Variants in TP53I3 observed in about 807,000 individuals in gnomAD.
TP53I3 encodes the protein tumor protein p53 inducible protein 3.
A neutral mutation model predicts 27.7 loss-of-function variants in TP53I3; 32 were observed. That is an observed-to-expected ratio of 1.16 (90% CI 0.87 to 1.55). The LOEUF (loss-of-function observed/expected upper bound fraction) is 1.55. Ranked by LOEUF, TP53I3 falls within the 40% of genes most tolerant of loss-of-function variation. The pLI is 0.00. For missense variants in TP53I3, 372 were observed against 412.3 expected (o/e 0.90, Z 0.85); for synonymous variants, 138 against 167.8 (o/e 0.82, Z 1.37).
At position 24,077,907 on chromosome 2, in the gene TP53I3, G is replaced by T; in HGVS notation, c.817-146C>A. 1 of 800,544 alleles carries T rather than the reference G, an allele frequency of 1.2e-6. No individual in the cohort carries two copies. Among genetic ancestry groups the T allele is most frequent in the Non-Finnish European group, 2.0e-6 (1 of 512,174 alleles). 49.6% of individuals were successfully genotyped at this position (800,544 alleles called of 1,614,324 possible). ...TAACCCCTCACTTCCTAGCATGTGT[G>T]TGAAATACCCTTGAAGGAGTCATGT... is the stretch of plus-strand genomic sequence containing the variant. On this transcript the variant is annotated intron_variant, in intron 4 of 4. Transcript: ENST00000238721. The surrounding 1 kb of genome is among the most constrained non-coding windows in gnomAD (Gnocchi z 5.5).
chr2:24,077,508 A>G lies in TP53I3; in HGVS notation c.*71T>C. The G allele has an allele frequency of 6.7e-7, 1 of 1,497,784 alleles. No individual in the cohort carries two copies. The highest frequency in any genetic ancestry group is 9.0e-7 in the Non-Finnish European group (1 of 1,116,586). 92.8% of individuals were successfully genotyped at this position (1,497,784 alleles called of 1,614,324 possible). A position where few individuals can be genotyped will look rare whatever the true frequency, so the allele number is the denominator to read the frequency against. ...AAGCACCGGGTTTCTTGGCCTGTCT[A>G]TTGTGAATCTTCTCCAGGTTTGCTC... is the stretch of plus-strand genomic sequence containing the variant. On this transcript the variant is annotated 3_prime_UTR_variant, in exon 5 of 5. Transcript: ENST00000238721. This position sits in a 1 kb window ranked among gnomAD's most constrained non-coding sequence, Gnocchi z 5.5.
At chr2:24,079,383 A>G (rs1484330127) in intron 4 of TP53I3, 61 bp downstream of exon 4, 2 of 1,558,208 alleles carry the variant, frequency 1.3e-6, no homozygotes, top group East Asian at 4.5e-5. Context: ...TCTCGGGGTA[A>G]TGTAAATGAA....
chr2:24,083,302 G>A, intron 1 of TP53I3, 150 bp from the exon 2 acceptor site: 1 of 1,012,684 alleles, frequency 9.9e-7, no homozygotes, highest in African/African-American at 1.6e-5. Flanking sequence ...GAAGAAAAAG[G>A]AGAGGCCATT....
rs1176726248 is a variant in TP53I3, at chr2:24,080,566, G to T, written c.619+253C>A. ...GAAGAAAAGGTGCTGGATAATTCCA[G>T]ACCAAGTCTGCATGGTCTAAAGTGT... On this transcript the variant is annotated intron_variant, in intron 3 of 4. Transcript: ENST00000238721. This position sits in a 1 kb window ranked among gnomAD's most constrained non-coding sequence, Gnocchi z 4.7. Among the ~76,000 whole-genome samples the T allele has an allele frequency of 2.0e-5, 3 of 152,186 alleles. No individual in the cohort carries two copies. The highest frequency in any genetic ancestry group is 4.4e-5 in the Non-Finnish European group (3 of 68,030).
rs917946906 is a variant in TP53I3 at position 24,080,711 on chromosome 2, A to G, written c.619+108T>C. 21 of 1,362,522 alleles carry G rather than the reference A, an allele frequency of 1.5e-5. No homozygotes were observed. The highest frequency in any genetic ancestry group is 1.3e-4 in the African/African-American group (9 of 69,126). The allele number at this position is 1,362,522 out of a possible 1,614,324, so 84.4% of individuals were successfully genotyped here. ...AATTTGGCCAGGGCAGCTGTTGTGC[A>G]CTTAGCAGAGGTAAGACTGATACAC... On this transcript the variant is annotated intron_variant, in intron 3 of 4. Coordinates refer to ENST00000238721, the MANE Select transcript of TP53I3 (RefSeq NM_004881.5). The surrounding 1 kb of genome is among the most constrained non-coding windows in gnomAD (Gnocchi z 4.7).
At chr2:24,081,711 C>T (rs1394626091) in intron 2 of TP53I3, among the ~76,000 whole-genome samples, 18 of 143,830 alleles carry the variant, frequency 1.3e-4, no homozygotes, top group Admixed American at 4.9e-4. Context: ...TTTTTTGAGA[C>T]GGAGTCTCAC....
At chr2:24,079,105 A>G (rs572788755) in intron 4 of TP53I3, 1 of 215,208 alleles carries the variant, frequency 4.6e-6, no homozygotes, top group African/African-American at 2.3e-5. Flanking sequence ...CTCACCTAAG[A>G]GACTTTCTAG....
At position 24,084,073 on chromosome 2, in the gene TP53I3, C is replaced by G. The variant is rs890240641; in HGVS notation, c.138+116G>C. The G allele has an allele frequency of 2.8e-6, 4 of 1,424,304 alleles. No individual in the cohort carries two copies. The highest frequency in any genetic ancestry group is 3.7e-6 in the Non-Finnish European group (4 of 1,085,442). The allele number at this position is 1,424,304 out of a possible 1,614,324, so 88.2% of individuals were successfully genotyped here. A position where few individuals can be genotyped will look rare whatever the true frequency, so the allele number is the denominator to read the frequency against. ...TTAGGTCTGGGAAGCCCCAGCGCAGCTGCCTGCTGGGTGTGGAGCGGTGCA... is the reference window on the plus strand; with the variant it reads ...TTAGGTCTGGGAAGCCCCAGCGCAGGTGCCTGCTGGGTGTGGAGCGGTGCA... On this transcript the variant is annotated intron_variant, in intron 1 of 4. Coordinates refer to ENST00000238721, the MANE Select transcript of TP53I3 (RefSeq NM_004881.5). This position sits in a 1 kb window ranked among gnomAD's most constrained non-coding sequence, Gnocchi z 8.4.
rs990848878 is a variant in TP53I3 at position 24,080,282 on chromosome 2, G to A, written c.619+537C>T. ...AGGCTGGAGAATCACTTGAACCTGG[G>A]AGGCGGAGGTTGCAGCGAGCCGAGA... On this transcript the variant is annotated intron_variant, in intron 3 of 4. Transcript: ENST00000238721. This position sits in a 1 kb window ranked among gnomAD's most constrained non-coding sequence, Gnocchi z 4.7. Among the ~76,000 whole-genome samples, 3 of 151,894 alleles carry A rather than the reference G, an allele frequency of 2.0e-5. No homozygotes were observed. The East Asian group carries it at 5.8e-4, about 29-fold the overall frequency.
At position 24,077,602 on chromosome 2, in the gene TP53I3, T is replaced by C. The variant is rs754967963; in HGVS notation, c.976A>G (p.Ile326Val). The change falls in exon 5 of 5, where the codon ATC becomes GTC. Residue 326 changes from isoleucine (I) to valine (V), a missense_variant. Ile to Val is a conservative substitution (Grantham distance 29). Coordinates refer to ENST00000238721, the MANE Select transcript of TP53I3 (RefSeq NM_004881.5). The surrounding 1 kb of genome is among the most constrained non-coding windows in gnomAD (Gnocchi z 5.5). ...CTTCACTGGGGCAGTTCCAGGACGA[T>C]CTTGCCTATGTTCTTGTTGGCCTCC... The part of the protein sequence containing the change: ...YMEANKNIGK[I>V]VLELPQ 1 of 1,611,224 alleles carries C rather than the reference T, an allele frequency of 6.2e-7. No individual in the cohort carries two copies. Among genetic ancestry groups the C allele is most frequent in the Non-Finnish European group, 8.5e-7 (1 of 1,178,288 alleles).
chr2:24,083,495 C>G (rs934662796), intron 1 of TP53I3, among the ~76,000 whole-genome samples: 9 of 152,284 alleles, frequency 5.9e-5, no homozygotes, highest in East Asian at 1.9e-4. Context: ...GCGCTAGGCT[C>G]TGTGCTCACT....
rs1321878520 is a variant in TP53I3 at position 24,080,676 on chromosome 2, A to G, written c.619+143T>C. The G allele has an allele frequency of 8.1e-6, 7 of 860,868 alleles. No homozygotes were observed. In the African/African-American group the frequency reaches 1.2e-4, roughly 15 times the overall value. The allele number at this position is 860,868 out of a possible 1,614,324, so 53.3% of individuals were successfully genotyped here. A position where few individuals can be genotyped will look rare whatever the true frequency, so the allele number is the denominator to read the frequency against. On this transcript the variant is annotated intron_variant, in intron 3 of 4. Transcript: ENST00000238721. This position sits in a 1 kb window ranked among gnomAD's most constrained non-coding sequence, Gnocchi z 4.7. ...TGCCTGTCTCCAGTGGTCAAATACCATAGTACTAGAATTTGGCCAGGGCAG... is the reference window on the plus strand; with the variant it reads ...TGCCTGTCTCCAGTGGTCAAATACCGTAGTACTAGAATTTGGCCAGGGCAG...
chr2:24,084,038 C>T lies in TP53I3; in HGVS notation c.138+151G>A. 1.6e-6 allele frequency: 2 copies of T among 1,248,132 alleles called. No homozygotes were observed. Among genetic ancestry groups the T allele is most frequent in the Non-Finnish European group, 1.1e-6 (1 of 933,372 alleles). 77.3% of individuals were successfully genotyped at this position (1,248,132 alleles called of 1,614,324 possible). On this transcript the variant is annotated intron_variant, in intron 1 of 4. Coordinates refer to ENST00000238721, the MANE Select transcript of TP53I3 (RefSeq NM_004881.5). The surrounding 1 kb of genome is among the most constrained non-coding windows in gnomAD (Gnocchi z 8.4). ...CCTTGTTTTGCATGAACAAAGAGGG[C>T]GCCCTGGGTTTAGGTCTGGGAAGCC...
At chr2:24,081,786 C>A (rs536087523) in intron 2 of TP53I3, among the ~76,000 whole-genome samples, 6 of 151,594 alleles carry the variant, frequency 4.0e-5, no homozygotes, top group Non-Finnish European at 5.9e-5. Flanking sequence ...CCCCACCCCC[C>A]CTGCGTTCAT....
intron 2 of TP53I3, 90 bp downstream of exon 2, chr2:24,082,795 A>C: frequency 4.1e-6 from 6 of 1,459,256 alleles, no homozygotes; most frequent in Non-Finnish European, 5.4e-6. Context: ...AAGGCCTGGG[A>C]GTGCCCTGGG....
intron 4 of TP53I3, among the ~76,000 whole-genome samples, chr2:24,078,482 A>T (rs1664857457): frequency 8.0e-5 from 1 of 12,450 alleles, no homozygotes; most frequent in East Asian, 5.8e-3. Flanking sequence ...TGTCTCCATA[A>T]AAAAAAAAAA....
Position 24,080,755 on chromosome 2 carries a change from A to G in TP53I3, c.619+64T>C. The G allele has an allele frequency of 6.2e-7, 1 of 1,601,246 alleles. No homozygotes were observed. Among genetic ancestry groups the G allele is most frequent in the Non-Finnish European group, 8.5e-7 (1 of 1,170,298 alleles). The stretch of plus-strand genomic sequence containing the variant: ...GATACACAGCACTGGCAACTTTGAG[A>G]CTGGTGGGGCTTTTATTTAATCATC... On this transcript the variant is annotated intron_variant, in intron 3 of 4. Transcript: ENST00000238721. This position sits in a 1 kb window ranked among gnomAD's most constrained non-coding sequence, Gnocchi z 4.7.
Position 24,082,807 on chromosome 2 carries a change from G to C in TP53I3, c.406+78C>G, listed in dbSNP as rs1180539959. Reference sequence around the variant, plus strand: ...AGGAAGGCCTGGGAGTGCCCTGGGGGATTGCTGGGATTCAAGTTGGCTGAT... The same window carrying C: ...AGGAAGGCCTGGGAGTGCCCTGGGGCATTGCTGGGATTCAAGTTGGCTGAT... On this transcript the variant is annotated intron_variant, in intron 2 of 4. Transcript: ENST00000238721. The C allele has an allele frequency of 1.1e-5, 16 of 1,491,312 alleles. No homozygotes were observed. The East Asian group carries it at 1.2e-4, about 11-fold the overall frequency. The allele number at this position is 1,491,312 out of a possible 1,614,324, so 92.4% of individuals were successfully genotyped here. A position where few individuals can be genotyped will look rare whatever the true frequency, so the allele number is the denominator to read the frequency against.
At position 24,080,494 on chromosome 2, in the gene TP53I3, C is replaced by T. The variant is rs1239076270; in HGVS notation, c.619+325G>A. Among the ~76,000 whole-genome samples the T allele has an allele frequency of 6.6e-6, 1 of 152,202 alleles. No homozygotes were observed. The highest frequency in any genetic ancestry group is 1.5e-5 in the Non-Finnish European group (1 of 68,028). On this transcript the variant is annotated intron_variant, in intron 3 of 4. Transcript: ENST00000238721. The surrounding 1 kb of genome is among the most constrained non-coding windows in gnomAD (Gnocchi z 4.7). The stretch of plus-strand genomic sequence containing the variant: ...CTACCATGGCTGGCTCCAAACTGGT[C>T]TCTGCCTCCAAGCCTCCTGTTAACT...
Sources: gnomAD v4.1 joint callset for allele counts (sites outside exome capture counted in the v4.1 genomes callset) on GRCh38, gnomAD v4.1.1 for gene constraint, Gnocchi (gnomAD v3.1) non-coding constraint, MANE v1.5 for transcripts, NCBI Gene and HGNC (gene_info 2026-07-23, HGNC 2026-07-21) for gene names.